The following NUBPL variants were observed in gnomAD, a reference collection of about 807,000 sequenced individuals.
NUBPL encodes the protein NUBP iron-sulfur cluster assembly factor, mitochondrial.
A neutral mutation model predicts 45.7 loss-of-function variants in NUBPL; 31 were observed. That is an observed-to-expected ratio of 0.68 (90% confidence interval 0.51 to 0.92). The LOEUF is 0.92. Ranked by LOEUF, NUBPL falls within the 40% of genes least tolerant of loss-of-function variation. NUBPL has a pLI of 0.00. For missense variants in NUBPL, 401 were observed against 398.7 expected, an observed-to-expected ratio of 1.01 and a Z score of -0.05; for synonymous variants, 144 against 140.9, an observed-to-expected ratio of 1.02 and a Z score of -0.15.
intron 4 of NUBPL, among the ~76,000 whole-genome samples, chr14:31,614,311 G>A (rs2034839477): frequency 1.3e-5 from 2 of 152,198 alleles, no homozygotes; most frequent in African/African-American, 4.8e-5. Context: ...GGCAAGAATA[G>A]CAACTAAAAA....
intron 6 of NUBPL, among the ~76,000 whole-genome samples, chr14:31,753,247 G>C (rs2038572820): frequency 6.6e-6 from 1 of 152,182 alleles, no homozygotes; most frequent in Non-Finnish European, 1.5e-5. Context: ...ACTGGTCACA[G>C]GGCCATGGTT....
intron 8 of NUBPL, among the ~76,000 whole-genome samples, chr14:31,841,703 G>T (rs564541644): frequency 6.6e-6 from 1 of 151,894 alleles, no homozygotes; most frequent in Non-Finnish European, 1.5e-5. Flanking sequence ...ATCTCTGCCT[G>T]CCTGCAGCAT....
In NUBPL at chr14:31,859,026, C is replaced by T. The variant is rs11849417; in HGVS notation, c.898-92C>T. ...TCATCTCACTCAGCCTTTTTACTAT[C>T]AAATACAGTGGGCCTCTATAACAAA... On this transcript the variant is annotated intron_variant, in intron 10 of 10. Transcript: ENST00000281081. 8,572 of 1,074,098 alleles carry T rather than the reference C, an allele frequency of 8.0e-3. 453 individuals are homozygous for T. The African/African-American group carries it at 0.12, about 15-fold the overall frequency. The allele number at this position is 1,074,098 out of a possible 1,614,324, so 66.5% of individuals were successfully genotyped here. A position where few individuals can be genotyped will look rare whatever the true frequency, so the allele number is the denominator to read the frequency against.
intron 3 of NUBPL, among the ~76,000 whole-genome samples, chr14:31,590,685 G>A (rs2034118973): frequency 6.6e-6 from 1 of 152,242 alleles, no homozygotes; most frequent in African/African-American, 2.4e-5. Flanking sequence ...TGTTTAGTTA[G>A]GTTTCTAGGT....
chr14:31,670,908 T>G (rs1393935924), intron 4 of NUBPL, among the ~76,000 whole-genome samples: 1 of 152,208 alleles, frequency 6.6e-6, no homozygotes, highest in Non-Finnish European at 1.5e-5. Flanking sequence ...GGTACCATGA[T>G]TCCTCCAGCT....
chr14:31,607,487 T>G (rs1208447183), intron 4 of NUBPL, among the ~76,000 whole-genome samples: 1 of 151,854 alleles, frequency 6.6e-6, no homozygotes, highest in Non-Finnish European at 1.5e-5. Flanking sequence ...AAAGTCAAGA[T>G]ACTACATAGA....
chr14:31,700,622 C>T (rs1017287375), intron 6 of NUBPL, among the ~76,000 whole-genome samples: 15 of 152,268 alleles, frequency 9.9e-5, no homozygotes, highest in African/African-American at 2.6e-4. Flanking sequence ...GCAGGCTCGG[C>T]GGGCCCTGCA....
intron 7 of NUBPL, among the ~76,000 whole-genome samples, chr14:31,810,565 T>A (rs1379571658): frequency 1.3e-5 from 2 of 152,180 alleles, no homozygotes; most frequent in Non-Finnish European, 2.9e-5. Flanking sequence ...TCTTGACTCT[T>A]TGTCCAGTTT....
chr14:31,800,430 T>A (rs758087904), intron 7 of NUBPL, among the ~76,000 whole-genome samples: 3 of 152,168 alleles, frequency 2.0e-5, no homozygotes, highest in Admixed American at 1.3e-4. Context: ...AGATCACTGA[T>A]CACAGATCAC....
At chr14:31,819,039 G>T (rs1365927359) in intron 7 of NUBPL, among the ~76,000 whole-genome samples, 3 of 152,158 alleles carry the variant, frequency 2.0e-5, no homozygotes, top group Admixed American at 1.3e-4. Context: ...TACATTTGAG[G>T]TGAATTTACC....
chr14:31,758,253 G>A (rs549741261), intron 6 of NUBPL, among the ~76,000 whole-genome samples: 1 of 152,260 alleles, frequency 6.6e-6, no homozygotes, highest in Non-Finnish European at 1.5e-5. Context: ...TGTTTATTGA[G>A]TGAATCAATT....
rs1265904251 is a variant in NUBPL at position 31,847,986 on chromosome 14, GACA to G, written c.814+1399_814+1401del. On this transcript the variant is annotated intron_variant, in intron 9 of 10. Coordinates refer to ENST00000281081, the MANE Select transcript of NUBPL (RefSeq NM_025152.3). ...TATAATGGCATTATTGAATTATACT[GACA>G]ACATTGTAATTTCCTAACTTACAAA... is the stretch of plus-strand genomic sequence containing the variant. Among the ~76,000 whole-genome samples, 10 of 152,220 alleles carry G rather than the reference GACA, an allele frequency of 6.6e-5. 1 individual carries two copies. In the East Asian group the frequency reaches 1.7e-3, roughly 26 times the overall value.
chr14:31,828,709 G>A (rs1347647890), intron 8 of NUBPL, among the ~76,000 whole-genome samples: 1 of 152,154 alleles, frequency 6.6e-6, no homozygotes, highest in Non-Finnish European at 1.5e-5. Context: ...CTAGTTAGGA[G>A]TCTAATGACC....
chr14:31,729,275 T>TCCCC (rs369958143), intron 6 of NUBPL, among the ~76,000 whole-genome samples: 23 of 55,586 alleles, frequency 4.1e-4, no homozygotes, highest in East Asian at 8.1e-4. Flanking sequence ...AGATGCTCCA[T>TCCCC]CCCCCCCCCC....
intron 4 of NUBPL, among the ~76,000 whole-genome samples, chr14:31,672,615 A>T (rs779893885): frequency 2.6e-5 from 4 of 152,046 alleles, no homozygotes; most frequent in Non-Finnish European, 5.9e-5. Context: ...GGCGTGCACC[A>T]CCATGCCCAG....
chr14:31,749,951 C>T (rs2038485294), intron 6 of NUBPL, among the ~76,000 whole-genome samples: 2 of 151,992 alleles, frequency 1.3e-5, no homozygotes, highest in Admixed American at 1.3e-4. Flanking sequence ...TTTTCAAGTT[C>T]AGAAATTCTT....
At chr14:31,647,166 G>A (rs1007626494) in intron 4 of NUBPL, among the ~76,000 whole-genome samples, 6 of 151,814 alleles carry the variant, frequency 4.0e-5, no homozygotes, top group Admixed American at 2.0e-4. Context: ...TTGAATTCTC[G>A]GTCAAAAACT....
At chr14:31,845,290 A>G (rs957483264) in intron 8 of NUBPL, 6 of 152,322 alleles carry the variant, frequency 3.9e-5, no homozygotes, top group South Asian at 2.1e-4. Flanking sequence ...GTTTCAGACA[A>G]TAACATTCTG....
intron 3 of NUBPL, 196 bp from the exon 4 acceptor site, chr14:31,599,093 A>T: frequency 1.6e-6 from 1 of 609,140 alleles, no homozygotes; most frequent in Non-Finnish European, 2.9e-6. Flanking sequence ...CGTAAAAAGT[A>T]TTGACCCTAA....
Sources: allele counts gnomAD v4.1 joint callset (sites outside exome capture counted in the v4.1 genomes callset), GRCh38; gene constraint gnomAD v4.1.1; transcripts MANE v1.5; gene names NCBI Gene and HGNC (gene_info 2026-07-23, HGNC 2026-07-21).